Variants in MYO16 observed in about 807,000 individuals in gnomAD.
MYO16 encodes myosin XVI, also known as unconventional myosin-XVI.
In MYO16, 94 loss-of-function variants were observed where a neutral mutation model predicts 205.3. The ratio of observed to expected loss-of-function variants is 0.46; its 90% CI spans 0.39 to 0.54. MYO16 has a LOEUF of 0.54. Among genes scored for constraint, MYO16 ranks in the 20% least tolerant of loss-of-function variants. MYO16 has a pLI of 0.00. For synonymous variants in MYO16, 988 were observed against 954.0 expected, an observed-to-expected ratio of 1.04 and a Z score of -0.66; for missense variants, 2,315 against 2,387.5, an observed-to-expected ratio of 0.97 and a Z score of 0.63.
intron 7 of MYO16, among the ~76,000 whole-genome samples, chr13:108,819,855 C>T (rs1265035426): frequency 6.6e-6 from 1 of 152,038 alleles, no homozygotes; most frequent in African/African-American, 2.4e-5. Flanking sequence ...CACACTATAC[C>T]ATATAATTCC....
intron 4 of MYO16, among the ~76,000 whole-genome samples, chr13:108,761,974 T>C (rs1178553076): frequency 6.6e-6 from 1 of 152,232 alleles, no homozygotes; most frequent in Admixed American, 6.5e-5. Context: ...TAAGTTGTTA[T>C]TCGTTAAGTA....
intron 32 of MYO16, among the ~76,000 whole-genome samples, chr13:109,157,535 C>G (rs1878129757): frequency 6.6e-6 from 1 of 152,196 alleles, no homozygotes; most frequent in South Asian, 2.1e-4. Flanking sequence ...CTGCTCCAGC[C>G]CACTCTGACC....
At chr13:108,580,652 T>C in the MYO16 span, among the ~76,000 whole-genome samples, 48 of 152,332 alleles carry the variant, frequency 3.2e-4, 1 homozygote, top group African/African-American at 1.1e-3. Context: ...GGCATATCCA[T>C]GTTTGGGACT....
chr13:108,784,232 GT>G (rs138425926), intron 4 of MYO16, among the ~76,000 whole-genome samples: 5,331 of 149,218 alleles, frequency 0.036, 245 homozygotes, highest in East Asian at 0.24. Context: ...TGAAGTCAGG[GT>G]TTTTTTTTTC....
rs542821264 is a variant in MYO16, at chr13:108,927,262, T to C, written c.1925+17112T>C. 5.4e-4 allele frequency among the ~76,000 whole-genome samples: 82 copies of C among 152,352 alleles called. 1 individual carries two copies. The highest frequency in any genetic ancestry group is 8.7e-4 in the Non-Finnish European group (59 of 68,028). On this transcript the variant is annotated intron_variant, in intron 16 of 34. Transcript: ENST00000457511. ...TAAATAATGCATTATATTTGCATTT[T>C]CGGCATTTAGAATCTTTTCTCCTAT...
intron 33 of MYO16, among the ~76,000 whole-genome samples, chr13:109,170,574 G>A (rs1878884642): frequency 6.6e-6 from 1 of 151,820 alleles, no homozygotes; most frequent in Non-Finnish European, 1.5e-5. Context: ...GATGGAGAAA[G>A]GGAACTTCTC....
At chr13:108,970,674 C>T (rs541882207) in intron 20 of MYO16, among the ~76,000 whole-genome samples, 1 of 152,182 alleles carries the variant, frequency 6.6e-6, no homozygotes, top group Non-Finnish European at 1.5e-5. Flanking sequence ...GTCACTGACC[C>T]TTTCTCTTCA....
intron 34 of MYO16, among the ~76,000 whole-genome samples, chr13:109,192,412 T>C (rs918221176): frequency 6.6e-6 from 1 of 152,234 alleles, no homozygotes; most frequent in African/African-American, 2.4e-5. Context: ...TCTGTTTTTC[T>C]TTTCTCTAGC....
the MYO16 span, among the ~76,000 whole-genome samples, chr13:108,565,870 C>T: frequency 3.3e-5 from 5 of 151,864 alleles, no homozygotes; most frequent in Non-Finnish European, 7.4e-5. Flanking sequence ...ACCCAGTTTT[C>T]TGATGGTTTT....
chr13:108,575,093 C>T, the MYO16 span, among the ~76,000 whole-genome samples: 1 of 151,970 alleles, frequency 6.6e-6, no homozygotes, highest in Admixed American at 6.6e-5. Flanking sequence ...CCCTGTCACA[C>T]CTCAAGTGTT....
chr13:108,697,948 C>T (rs922114016), intron 2 of MYO16, among the ~76,000 whole-genome samples: 3 of 151,250 alleles, frequency 2.0e-5, no homozygotes, highest in African/African-American at 7.4e-5. Flanking sequence ...GTCTTGAACT[C>T]CTGGCCTCAA....
At chr13:108,977,676 C>T (rs568579723) in intron 20 of MYO16, among the ~76,000 whole-genome samples, 3 of 152,068 alleles carry the variant, frequency 2.0e-5, no homozygotes, top group African/African-American at 2.4e-5. Context: ...GTTGAATATT[C>T]GATGATCCCT....
At chr13:108,775,837 A>G (rs758235215) in intron 4 of MYO16, among the ~76,000 whole-genome samples, 8 of 152,236 alleles carry the variant, frequency 5.3e-5, no homozygotes, top group Non-Finnish European at 1.0e-4. Flanking sequence ...GGGAAGAATT[A>G]TGGTGTTTGC....
chr13:108,766,413 G>T (rs1455252983), intron 4 of MYO16, among the ~76,000 whole-genome samples: 2 of 152,214 alleles, frequency 1.3e-5, no homozygotes, highest in African/African-American at 2.4e-5. Context: ...CTGCCATGGG[G>T]CCTTCAACTG....
At chr13:108,548,116 G>T in the MYO16 span, among the ~76,000 whole-genome samples, 1 of 152,016 alleles carries the variant, frequency 6.6e-6, no homozygotes, top group African/African-American at 2.4e-5. Context: ...GATCTACTTA[G>T]CTCGTTTGTT....
At position 109,206,708 on chromosome 13, in the gene MYO16, C is replaced by A. The variant is rs201148234; in HGVS notation, c.5515C>A (p.Gln1839Lys). The A allele has an allele frequency of 1.9e-6, 3 of 1,614,064 alleles. No individual in the cohort carries two copies. ...CTGTGAGGAAGGACAAGACTGGCAG[C>A]AGATCCTGCACCACGCTGAGCCCAG... Reference protein sequence around the residue: ...KLCEEGQDWQQILHHAEPRVP... With the variant: ...KLCEEGQDWQKILHHAEPRVP... Residue 1839 changes from glutamine (Q) to lysine (K), a missense_variant, in exon 35 of 35, where the codon CAG becomes AAG. Physicochemically the swap from Gln to Lys is moderately conservative, Grantham distance 53. Transcript: ENST00000457511.
At chr13:108,971,850 G>T (rs570276375) in intron 20 of MYO16, among the ~76,000 whole-genome samples, 3 of 152,028 alleles carry the variant, frequency 2.0e-5, no homozygotes, top group South Asian at 4.2e-4. Context: ...AAATGAGGTG[G>T]TGCATATTAA....
intron 1 of MYO16, among the ~76,000 whole-genome samples, chr13:108,602,188 C>T (rs865825838): frequency 1.3e-5 from 2 of 151,736 alleles, no homozygotes; most frequent in African/African-American, 4.8e-5. Flanking sequence ...GACTTCCCAG[C>T]CTCACAACTC....
At chr13:108,548,775 G>C in the MYO16 span, among the ~76,000 whole-genome samples, 1 of 152,070 alleles carries the variant, frequency 6.6e-6, no homozygotes, top group Admixed American at 6.5e-5. Flanking sequence ...CAGTATTTTA[G>C]GTTCAAGATT....
Sources: allele counts gnomAD v4.1 joint callset (sites outside exome capture counted in the v4.1 genomes callset), GRCh38; gene constraint gnomAD v4.1.1; transcripts MANE v1.5; gene names NCBI Gene and HGNC (gene_info 2026-07-23, HGNC 2026-07-21).